NAALADL2: variants seen among roughly 807,000 people sequenced by gnomAD.
The protein encoded by NAALADL2 is inactive N-acetylated-alpha-linked acidic dipeptidase-like protein 2.
A neutral mutation model predicts 87.2 loss-of-function variants in NAALADL2; 76 were observed. That is an observed-to-expected ratio of 0.87 (90% CI 0.72 to 1.05). NAALADL2 has a LOEUF of 1.05. Ranked by LOEUF, NAALADL2 falls within the 50% of genes least tolerant of loss-of-function variation. NAALADL2 has a pLI of 0.00. For synonymous variants in NAALADL2, 354 were observed against 331.0 expected (o/e 1.07, Z -0.75); for missense variants, 1,089 against 945.8 (o/e 1.15, Z -1.99).
chr3:175,625,885 A>G (rs532553910), intron 10 of NAALADL2, among the ~76,000 whole-genome samples: 22 of 152,118 alleles, frequency 1.4e-4, no homozygotes, highest in African/African-American at 5.3e-4. Flanking sequence ...AAAGCACTAT[A>G]GTTATTCTAT....
chr3:175,789,798 A>G (rs1049225540), intron 13 of NAALADL2, among the ~76,000 whole-genome samples: 1 of 152,228 alleles, frequency 6.6e-6, no homozygotes, highest in African/African-American at 2.4e-5. Flanking sequence ...AAAGTCAATT[A>G]CTTTAAAAAC....
chr3:174,739,293 C>A (rs969253051), intron 3 of NAALADL2, among the ~76,000 whole-genome samples: 2 of 151,872 alleles, frequency 1.3e-5, no homozygotes, highest in Non-Finnish European at 2.9e-5. Flanking sequence ...GTGGAAGATG[C>A]GAAGTTGGCC....
intron 2 of NAALADL2, among the ~76,000 whole-genome samples, chr3:174,660,812 A>G (rs190587863): frequency 8.9e-4 from 136 of 152,280 alleles, no homozygotes; most frequent in Non-Finnish European, 1.5e-3. Context: ...GAAGGGCAAT[A>G]ATATTTTGTG....
chr3:174,492,112 A>C (rs1289817401), intron 1 of NAALADL2, among the ~76,000 whole-genome samples: 1 of 152,000 alleles, frequency 6.6e-6, no homozygotes, highest in Non-Finnish European at 1.5e-5. Flanking sequence ...ACTATTAAAA[A>C]TACAAAAATT....
intron 5 of NAALADL2, among the ~76,000 whole-genome samples, chr3:175,413,706 A>G (rs1400746770): frequency 1.3e-5 from 2 of 152,110 alleles, no homozygotes; most frequent in African/African-American, 4.8e-5. Flanking sequence ...GACGTCATGG[A>G]ACAGAGAGAC....
rs535748076 is a variant in NAALADL2 at position 174,977,417 on chromosome 3, G to A, written c.43+117967G>A. On this transcript the variant is annotated intron_variant, in intron 1 of 13. Transcript: ENST00000454872. ...TGCGATTACAGGCATGAGCCACTGC[G>A]GCCGACCTAGATGTGTAACCTTTTT... 3.3e-5 allele frequency among the ~76,000 whole-genome samples: 5 copies of A among 152,172 alleles called. No individual in the cohort carries two copies. In the East Asian group the frequency reaches 5.8e-4, roughly 18 times the overall value.
chr3:175,003,452 A>C (rs767416371), intron 1 of NAALADL2, among the ~76,000 whole-genome samples: 31 of 152,214 alleles, frequency 2.0e-4, no homozygotes, highest in Non-Finnish European at 3.7e-4. Context: ...AGGTTTTCAA[A>C]AGGCATTTAG....
intron 1 of NAALADL2, among the ~76,000 whole-genome samples, chr3:174,981,718 T>A (rs753229187): frequency 1.3e-5 from 2 of 152,150 alleles, no homozygotes; most frequent in Non-Finnish European, 2.9e-5. Context: ...TTTTTTCTTA[T>A]CTGTAAAAAG....
intron 1 of NAALADL2, among the ~76,000 whole-genome samples, chr3:174,542,194 T>C (rs1352706500): frequency 6.6e-6 from 1 of 152,168 alleles, no homozygotes; most frequent in African/African-American, 2.4e-5. Context: ...CAGAGCAATT[T>C]GCCACTTCTG....
chr3:175,189,513 T>A (rs568458046), intron 2 of NAALADL2, among the ~76,000 whole-genome samples: 1 of 152,038 alleles, frequency 6.6e-6, no homozygotes, highest in African/African-American at 2.4e-5. Flanking sequence ...AGAATAAACC[T>A]AAGGAGGTAA....
intron 2 of NAALADL2, among the ~76,000 whole-genome samples, chr3:174,690,961 G>A (rs987212405): frequency 6.6e-5 from 10 of 152,104 alleles, no homozygotes; most frequent in Admixed American, 3.9e-4. Flanking sequence ...TCATCAAGAC[G>A]AATAATTAAA....
At chr3:174,542,586 G>A (rs1180005614) in intron 1 of NAALADL2, among the ~76,000 whole-genome samples, 2 of 152,118 alleles carry the variant, frequency 1.3e-5, no homozygotes, top group Non-Finnish European at 2.9e-5. Flanking sequence ...AGGTATCAAA[G>A]GTCCCAGGAA....
intron 2 of NAALADL2, among the ~76,000 whole-genome samples, chr3:175,181,630 A>G (rs1051010238): frequency 6.7e-6 from 1 of 150,118 alleles, no homozygotes; most frequent in Non-Finnish European, 1.5e-5. Context: ...ATGTTGTTGC[A>G]AATGACAACA....
At chr3:174,750,231 A>G (rs1196344543) in intron 3 of NAALADL2, among the ~76,000 whole-genome samples, 1 of 152,192 alleles carries the variant, frequency 6.6e-6, no homozygotes, top group Non-Finnish European at 1.5e-5. Flanking sequence ...TAGCAGTAAG[A>G]GATCTTTAGC....
chr3:174,740,982 G>T (rs1425419981), intron 3 of NAALADL2, among the ~76,000 whole-genome samples: 2 of 151,698 alleles, frequency 1.3e-5, no homozygotes, highest in Non-Finnish European at 3.0e-5. Context: ...TTTTCCTTAA[G>T]AGGTAGACTT....
intron 5 of NAALADL2, among the ~76,000 whole-genome samples, chr3:175,333,539 T>G (rs1445451378): frequency 6.6e-6 from 1 of 152,054 alleles, no homozygotes; most frequent in Non-Finnish European, 1.5e-5. Flanking sequence ...GAACTGGAGG[T>G]CAATATGTCA....
chr3:175,449,904 T>C (rs1402094196), intron 6 of NAALADL2, among the ~76,000 whole-genome samples: 2 of 152,210 alleles, frequency 1.3e-5, no homozygotes, highest in African/African-American at 4.8e-5. Flanking sequence ...TTTAGAAAAA[T>C]TGTTATGTTT....
intron 4 of NAALADL2, among the ~76,000 whole-genome samples, chr3:175,310,755 A>G (rs893213251): frequency 6.6e-6 from 1 of 152,108 alleles, no homozygotes; most frequent in East Asian, 1.9e-4. Flanking sequence ...CCTCACCCCC[A>G]TCTCTTCCTC....
chr3:174,943,408 T>A (rs1738913326), intron 1 of NAALADL2, among the ~76,000 whole-genome samples: 1 of 152,158 alleles, frequency 6.6e-6, no homozygotes, highest in Admixed American at 6.5e-5. Flanking sequence ...TCCCCTGTGT[T>A]TCCTCACAGT....
Sources: allele counts gnomAD v4.1 joint callset (sites outside exome capture counted in the v4.1 genomes callset), GRCh38; gene constraint gnomAD v4.1.1; transcripts MANE v1.5; gene names NCBI Gene and HGNC (gene_info 2026-07-23, HGNC 2026-07-21).